Variants in OSBPL9 observed in about 807,000 individuals in gnomAD.
OSBPL9 encodes the protein oxysterol-binding protein-related protein 9.
In OSBPL9, 40 loss-of-function variants were observed where a neutral mutation model predicts 106.6. The observed-to-expected ratio is 0.38, with a 90% CI of 0.29 to 0.49. The LOEUF (loss-of-function observed/expected upper bound fraction) is 0.49. Among genes scored for constraint, OSBPL9 ranks in the 20% least tolerant of loss-of-function variants. The pLI is 0.97. For missense variants in OSBPL9, 609 were observed against 887.2 expected (o/e 0.69, Z 3.98); for synonymous variants, 269 against 295.4 (o/e 0.91, Z 0.92).
the OSBPL9 span, among the ~76,000 whole-genome samples, chr1:51,554,309 C>T: frequency 6.6e-6 from 1 of 152,140 alleles, no homozygotes; most frequent in Non-Finnish European, 1.5e-5. Context: ...GTATAATTAA[C>T]ATATTTCAAC....
chr1:51,765,739 T>C, intron 11 of OSBPL9, 83 bp from the exon 12 acceptor site: 1 of 1,294,042 alleles, frequency 7.7e-7, no homozygotes, highest in East Asian at 2.5e-5. Flanking sequence ...TTTTTTGATT[T>C]TAGAAAAGTC....
intron 13 of OSBPL9, 77 bp from the exon 14 acceptor site, chr1:51,772,528 A>T: frequency 8.3e-7 from 1 of 1,203,094 alleles, no homozygotes; most frequent in Non-Finnish European, 1.2e-6. Context: ...ACAAACAAAC[A>T]AACAAAATTG....
At chr1:51,662,638 G>T (rs991964800) in intron 2 of OSBPL9, among the ~76,000 whole-genome samples, 1 of 151,998 alleles carries the variant, frequency 6.6e-6, no homozygotes, top group African/African-American at 2.4e-5. Flanking sequence ...CAACTTAATC[G>T]AGCATATGGA....
chr1:51,643,302 GA>G lies in OSBPL9; in HGVS notation c.112-8682del, dbSNP rs563435671. On this transcript the variant is annotated intron_variant, in intron 1 of 23. Coordinates refer to ENST00000428468, the MANE Select transcript of OSBPL9 (RefSeq NM_024586.6). ...ATTTTATTTTCCCACAGTATTATGG[GA>G]AAAAAAGGGTTTTATTATATCCTTG... Among the ~76,000 whole-genome samples the G allele has an allele frequency of 5.9e-5, 9 of 151,894 alleles. No homozygotes were observed. The East Asian group carries it at 1.2e-3, about 20-fold the overall frequency.
intron 17 of OSBPL9, 120 bp downstream of exon 17, chr1:51,782,763 T>G: frequency 1.3e-6 from 1 of 785,764 alleles, no homozygotes; most frequent in East Asian, 2.7e-5. Flanking sequence ...TGTTTCTTAT[T>G]CCCTGAAGTG....
At chr1:51,686,477 C>T (rs1445856630) in intron 3 of OSBPL9, among the ~76,000 whole-genome samples, 1 of 152,202 alleles carries the variant, frequency 6.6e-6, no homozygotes, top group Non-Finnish European at 1.5e-5. Context: ...TGTTCTCTCT[C>T]CTAAACAGCA....
the OSBPL9 span, among the ~76,000 whole-genome samples, chr1:51,525,884 TTG>T: frequency 6.6e-6 from 1 of 152,118 alleles, no homozygotes; most frequent in Non-Finnish European, 1.5e-5. Context: ...ATGATTTTTT[TTG>T]TTCTTTTTGA....
intron 4 of OSBPL9, among the ~76,000 whole-genome samples, chr1:51,742,028 A>G (rs1310587122): frequency 6.6e-6 from 1 of 152,118 alleles, no homozygotes; most frequent in Non-Finnish European, 1.5e-5. Flanking sequence ...AGAGAACAGA[A>G]AGGTAAGAGA....
chr1:51,665,254 C>T (rs1648163343), intron 2 of OSBPL9, among the ~76,000 whole-genome samples: 1 of 152,200 alleles, frequency 6.6e-6, no homozygotes, highest in Non-Finnish European at 1.5e-5. Context: ...AAGTGATTCT[C>T]CTGCCTCAGC....
the OSBPL9 span, among the ~76,000 whole-genome samples, chr1:51,540,444 C>T: frequency 2.0e-5 from 3 of 151,506 alleles, no homozygotes; most frequent in Admixed American, 2.0e-4. Flanking sequence ...ATCACGAGGT[C>T]AAGAGAGCAA....
At chr1:51,604,684 C>T (rs951918865) in intron 2 of OSBPL9, among the ~76,000 whole-genome samples, 6 of 152,098 alleles carry the variant, frequency 3.9e-5, no homozygotes, top group Non-Finnish European at 5.9e-5. Context: ...GATGGAGTCT[C>T]GCTCTTTCTC....
At chr1:51,638,327 G>A (rs1474328395) in intron 1 of OSBPL9, among the ~76,000 whole-genome samples, 1 of 152,134 alleles carries the variant, frequency 6.6e-6, no homozygotes, top group Middle Eastern at 3.2e-3. Context: ...TTTTGTTGGT[G>A]TAGCTTTCTG....
chr1:51,600,420 C>A (rs1645321033), intron 2 of OSBPL9, among the ~76,000 whole-genome samples: 1 of 152,080 alleles, frequency 6.6e-6, no homozygotes, highest in Admixed American at 6.5e-5. Context: ...CTTATGGACC[C>A]CTTCTTCCAT....
intron 4 of OSBPL9, 97 bp downstream of exon 4, chr1:51,714,176 T>C (rs992422373): frequency 7.1e-6 from 6 of 841,046 alleles, no homozygotes; most frequent in Middle Eastern, 2.4e-4. Flanking sequence ...TGTGGTATGA[T>C]GTAATAGGAA....
chr1:51,750,040 GACTTAA>G, intron 7 of OSBPL9, 99 bp from the exon 8 acceptor site: 1 of 719,034 alleles, frequency 1.4e-6, no homozygotes, highest in Non-Finnish European at 2.2e-6. Flanking sequence ...GTGTAGTATA[GACTTAA>G]ACTCTATACA....
intron 1 of OSBPL9, among the ~76,000 whole-genome samples, chr1:51,637,703 A>G (rs1367279590): frequency 6.6e-6 from 1 of 152,244 alleles, no homozygotes; most frequent in East Asian, 1.9e-4. Flanking sequence ...ATTCCAATTT[A>G]TTAATTCACA....
intron 1 of OSBPL9, among the ~76,000 whole-genome samples, chr1:51,634,006 G>T (rs368103646): frequency 5.9e-4 from 90 of 152,304 alleles, no homozygotes; most frequent in African/African-American, 2.1e-3. Flanking sequence ...AGCTTTTGGA[G>T]CATAGCCCCA....
At chr1:51,584,632 C>T (rs1645237542) in intron 1 of OSBPL9, among the ~76,000 whole-genome samples, 1 of 152,158 alleles carries the variant, frequency 6.6e-6, no homozygotes, top group African/African-American at 2.4e-5. Context: ...AGGAGAATCG[C>T]TTGAACCTGT....
chr1:51,778,787 T>G (rs1455404971), intron 15 of OSBPL9, among the ~76,000 whole-genome samples: 1 of 152,102 alleles, frequency 6.6e-6, no homozygotes, highest in Admixed American at 6.5e-5. Context: ...CAAATCAACT[T>G]GACCCAGTTG....
Sources: allele counts gnomAD v4.1 joint callset (sites outside exome capture counted in the v4.1 genomes callset), GRCh38; gene constraint gnomAD v4.1.1; transcripts MANE v1.5; gene names NCBI Gene and HGNC (gene_info 2026-07-23, HGNC 2026-07-21).